TRIO: variants seen among roughly 807,000 people sequenced by gnomAD.
The protein encoded by TRIO is triple functional domain protein.
A neutral mutation model predicts 351.9 loss-of-function variants in TRIO; 58 were observed. The observed-to-expected ratio is 0.16, with a 90% CI of 0.13 to 0.21. The LOEUF (loss-of-function observed/expected upper bound fraction) is 0.21, where lower values mean the gene tolerates loss of function less well. TRIO is among the 10% of genes least tolerant of loss of function. The probability of loss-of-function intolerance (pLI) is 1.00; values close to 1 mark genes in which losing one functional copy is unlikely to be tolerated. For missense variants in TRIO, 3,201 were observed against 4,027.8 expected (o/e 0.79, Z 5.56); for synonymous variants, 1,758 against 1,595.7 (o/e 1.10, Z -2.42).
chr5:14,283,753 C>CT lies in TRIO; in HGVS notation c.348-3108dup, dbSNP rs918723230. 5.8e-3 allele frequency among the ~76,000 whole-genome samples: 869 copies of CT among 148,630 alleles called. 11 individuals are homozygous for CT. The highest frequency in any genetic ancestry group is 0.02 in the African/African-American group (817 of 40,710). ...ATTGCTGGGGTCGCCCCTCCCTGCC[C>CT]TTTTTTTTTTAAACAAACAAACAAA... On this transcript the variant is annotated intron_variant, in intron 3 of 56. Coordinates refer to ENST00000344204, the MANE Select transcript of TRIO (RefSeq NM_007118.4).
At chr5:14,219,201 G>A (rs1407158077) in intron 1 of TRIO, among the ~76,000 whole-genome samples, 1 of 150,664 alleles carries the variant, frequency 6.6e-6, no homozygotes, top group African/African-American at 2.5e-5. Context: ...ATGTGAAGTG[G>A]AGAGGGAGGA....
chr5:14,349,184 CTG>C (rs1489801300), intron 11 of TRIO, among the ~76,000 whole-genome samples: 23 of 136,322 alleles, frequency 1.7e-4, no homozygotes, highest in Admixed American at 6.1e-4. Flanking sequence ...TGTGTTTTTC[CTG>C]TGTGTATATG....
Position 14,469,305 on chromosome 5 carries a change from C to T in TRIO, c.5764-2013C>T, listed in dbSNP as rs954074715. Among the ~76,000 whole-genome samples, 8 of 152,124 alleles carry T rather than the reference C, an allele frequency of 5.3e-5. No homozygotes were observed. In the East Asian group the frequency reaches 1.2e-3, roughly 22 times the overall value. On this transcript the variant is annotated intron_variant, in intron 37 of 56. Transcript: ENST00000344204. ...CAAGAAAACAGAAAACACAAATTCC[C>T]AAAATTAAGAAATTATAAGAGAGGA...
At chr5:14,230,340 T>TGTGTGTG (rs1793327649) in intron 1 of TRIO, among the ~76,000 whole-genome samples, 18 of 149,128 alleles carry the variant, frequency 1.2e-4, no homozygotes, top group African/African-American at 4.0e-4. Flanking sequence ...GGCAAGATGT[T>TGTGTGTG]TGTGTGTGTG....
At position 14,359,495 on chromosome 5, in the gene TRIO, C is replaced by T. The variant is rs1743936979; in HGVS notation, c.2355C>T (p.Phe785=). The T allele has an allele frequency of 1.2e-6, 2 of 1,614,132 alleles. No individual in the cohort carries two copies. The highest frequency in any genetic ancestry group is 1.3e-5 in the African/African-American group (1 of 74,958). Residue 785 remains phenylalanine (F), a synonymous_variant, in exon 13 of 57, where the codon TTC becomes TTT. Transcript: ENST00000344204. ...AGCGCAAGATCAAGCTGGAGCTCTT[C>T]CTGCAGCTGCGCATCTTCGAGAGGG... ...FQERKIKLEL[F]LQLRIFERDA...
chr5:14,502,255 T>C (rs1757348545), intron 53 of TRIO, among the ~76,000 whole-genome samples: 1 of 152,228 alleles, frequency 6.6e-6, no homozygotes. Flanking sequence ...TAGATTTTTC[T>C]AGTAAACACA....
intron 21 of TRIO, among the ~76,000 whole-genome samples, chr5:14,384,014 C>T (rs952790784): frequency 1.3e-5 from 2 of 152,184 alleles, no homozygotes; most frequent in African/African-American, 2.4e-5. Context: ...AGACTCGGCT[C>T]GGTCCCTTTG....
At chr5:14,440,286 C>T (rs949201362) in intron 34 of TRIO, among the ~76,000 whole-genome samples, 2 of 152,178 alleles carry the variant, frequency 1.3e-5, no homozygotes, top group Non-Finnish European at 2.9e-5. Context: ...TTCCAGGTGA[C>T]TTTTCGTCAG....
intron 9 of TRIO, among the ~76,000 whole-genome samples, chr5:14,317,367 AT>A (rs1486607574): frequency 6.6e-6 from 1 of 152,228 alleles, no homozygotes; most frequent in African/African-American, 2.4e-5. Context: ...GATAAATAAG[AT>A]GATAGCCATG....
chr5:14,316,827 G>A (rs1717007832), intron 9 of TRIO, 84 bp downstream of exon 9: 4 of 1,408,754 alleles, frequency 2.8e-6, no homozygotes, highest in South Asian at 1.3e-5. Flanking sequence ...GGGAAGATCT[G>A]TGCTTAAGGA....
At chr5:14,149,562 T>C (rs890077772) in intron 1 of TRIO, among the ~76,000 whole-genome samples, 3 of 152,000 alleles carry the variant, frequency 2.0e-5, no homozygotes, top group African/African-American at 7.3e-5. Context: ...CAAACCAGAG[T>C]GAGGCTACGA....
intron 21 of TRIO, among the ~76,000 whole-genome samples, chr5:14,386,569 A>AG (rs1295382446): frequency 6.6e-6 from 1 of 152,226 alleles, no homozygotes; most frequent in African/African-American, 2.4e-5. Context: ...GTTCCATAGA[A>AG]GAGGAGTAAC....
chr5:14,179,449 C>CTT (rs1166814399), intron 1 of TRIO, among the ~76,000 whole-genome samples: 5 of 142,910 alleles, frequency 3.5e-5, no homozygotes, highest in Admixed American at 7.0e-5. Flanking sequence ...ATCAACAAAG[C>CTT]TTTTTTTTTT....
chr5:14,422,127 C>A (rs76911744), intron 34 of TRIO, among the ~76,000 whole-genome samples: 1 of 152,140 alleles, frequency 6.6e-6, no homozygotes, highest in Non-Finnish European at 1.5e-5. Flanking sequence ...ATGCAGCGAG[C>A]GAGTTAAACA....
chr5:14,434,485 T>TG (rs1407503760), intron 34 of TRIO, among the ~76,000 whole-genome samples: 1 of 149,412 alleles, frequency 6.7e-6, no homozygotes, highest in Non-Finnish European at 1.5e-5. Flanking sequence ...CAACACTCAG[T>TG]TTTTTTTTTA....
rs1338324455 is a variant in TRIO, at chr5:14,492,711, C to T, written c.7777C>T (p.Arg2593Ter). 2.5e-6 allele frequency: 4 copies of T among 1,613,920 alleles called. No individual in the cohort carries two copies. The highest frequency in any genetic ancestry group is 1.7e-5 in the Admixed American group (1 of 60,004). The change falls in exon 49 of 57, where the codon CGA becomes TGA. Residue 2593 changes from arginine (R) to a stop codon, truncating the protein, a stop_gained. Transcript: ENST00000344204. LOFTEE classifies it high-confidence loss of function. ...SNQQNMFLVF[R>*]AATDQCPAAE... ...CCAGCAGAACATGTTTCTGGTGTTC[C>T]GAGCCGCCACTGACCAGTGCCCCGC... is the stretch of plus-strand genomic sequence containing the variant.
intron 1 of TRIO, among the ~76,000 whole-genome samples, chr5:14,178,966 CA>C (rs1357327501): frequency 1.3e-5 from 2 of 152,182 alleles, no homozygotes; most frequent in Non-Finnish European, 2.9e-5. Context: ...CAGGATTTGT[CA>C]GCCCCCAGGA....
Position 14,297,267 on chromosome 5 carries a change from A to T in TRIO, c.1368+4A>T. The T allele has an allele frequency of 6.2e-7, 1 of 1,612,824 alleles. No individual in the cohort carries two copies. Among genetic ancestry groups the T allele is most frequent in the Non-Finnish European group, 8.5e-7 (1 of 1,179,262 alleles). ...TTTCCACCAGAAGGCCGAAAAGGTCAGTGCCTTGAACCCCCAGCCCACGAG... is the reference window on the plus strand; with the variant it reads ...TTTCCACCAGAAGGCCGAAAAGGTCTGTGCCTTGAACCCCCAGCCCACGAG... On this transcript the variant is annotated splice_donor_region_variant and intron_variant, in intron 7 of 56. Coordinates refer to ENST00000344204, the MANE Select transcript of TRIO (RefSeq NM_007118.4).
At chr5:14,310,245 T>C (rs1192546383) in intron 8 of TRIO, among the ~76,000 whole-genome samples, 1 of 152,254 alleles carries the variant, frequency 6.6e-6, no homozygotes, top group East Asian at 1.9e-4. Flanking sequence ...GATTTTCATC[T>C]CAGTGTGCCT....
Sources: gnomAD v4.1 joint callset for allele counts (sites outside exome capture counted in the v4.1 genomes callset) on GRCh38, gnomAD v4.1.1 for gene constraint, MANE v1.5 for transcripts, NCBI Gene and HGNC (gene_info 2026-07-23, HGNC 2026-07-21) for gene names.